ASIC2: variants seen among roughly 807,000 people sequenced by gnomAD.
The protein encoded by ASIC2 is acid sensing ion channel subunit 2.
A neutral mutation model predicts 57.3 loss-of-function variants in ASIC2; 25 were observed. That is an observed-to-expected ratio of 0.44 (90% CI 0.32 to 0.61). The LOEUF (loss-of-function observed/expected upper bound fraction) is 0.61. Ranked by LOEUF, ASIC2 falls within the 20% of genes least tolerant of loss-of-function variation. The pLI, the probability that ASIC2 is intolerant of heterozygous loss-of-function variation, is 0.06. For synonymous variants in ASIC2, 319 were observed against 307.5 expected (o/e 1.04, Z -0.39); for missense variants, 641 against 738.1 (o/e 0.87, Z 1.52).
At chr17:33,779,967 CTT>C (rs759850922) in intron 1 of ASIC2, among the ~76,000 whole-genome samples, 2 of 85,180 alleles carry the variant, frequency 2.3e-5, no homozygotes, top group East Asian at 3.5e-4. Context: ...CTACAGAAGC[CTT>C]TTTTTTTTTT....
chr17:33,454,449 T>C (rs757583284), intron 1 of ASIC2, among the ~76,000 whole-genome samples: 2 of 152,248 alleles, frequency 1.3e-5, no homozygotes, highest in Non-Finnish European at 2.9e-5. Context: ...TAAAACATCA[T>C]GCCCATTGTA....
intron 1 of ASIC2, among the ~76,000 whole-genome samples, chr17:34,066,662 A>G (rs1909183363): frequency 6.6e-6 from 1 of 152,192 alleles, no homozygotes; most frequent in Non-Finnish European, 1.5e-5. Context: ...TGTCCATGAC[A>G]TCTATCATGA....
At chr17:33,377,981 C>T (rs1473984348) in intron 1 of ASIC2, among the ~76,000 whole-genome samples, 2 of 152,204 alleles carry the variant, frequency 1.3e-5, no homozygotes, top group Non-Finnish European at 2.9e-5. Context: ...ATGGGTTGCC[C>T]TGAATAACAG....
intron 1 of ASIC2, among the ~76,000 whole-genome samples, chr17:34,040,437 G>A (rs1908085640): frequency 1.4e-5 from 2 of 147,400 alleles, no homozygotes; most frequent in South Asian, 2.2e-4. Context: ...CCGACAGTGG[G>A]GGAGGAGGGG....
chr17:33,962,991 T>G (rs1393599600), intron 1 of ASIC2, among the ~76,000 whole-genome samples: 2 of 152,176 alleles, frequency 1.3e-5, no homozygotes, highest in Non-Finnish European at 2.9e-5. Flanking sequence ...GTCAGCTATT[T>G]TGTTGTTCAC....
intron 2 of ASIC2, among the ~76,000 whole-genome samples, chr17:33,103,552 AG>A (rs2092223238): frequency 1.3e-5 from 2 of 152,156 alleles, no homozygotes; most frequent in African/African-American, 4.8e-5. Context: ...CAGGGGTAAA[AG>A]GTCCTTAAAG....
At chr17:34,018,476 T>A (rs1907044228) in intron 1 of ASIC2, among the ~76,000 whole-genome samples, 1 of 152,174 alleles carries the variant, frequency 6.6e-6, no homozygotes, top group Non-Finnish European at 1.5e-5. Context: ...GACTTTCAAT[T>A]ATTATTATTT....
intron 1 of ASIC2, among the ~76,000 whole-genome samples, chr17:33,981,643 G>T (rs1031103495): frequency 1.3e-5 from 2 of 151,492 alleles, no homozygotes; most frequent in African/African-American, 4.9e-5. Flanking sequence ...AGGAAGGGAG[G>T]GTGGAAAGGG....
intron 1 of ASIC2, among the ~76,000 whole-genome samples, chr17:33,335,343 T>C (rs973662540): frequency 6.6e-6 from 1 of 152,222 alleles, no homozygotes; most frequent in South Asian, 2.1e-4. Context: ...AAGTGCCTAC[T>C]ATGTGTCAGG....
intron 1 of ASIC2, among the ~76,000 whole-genome samples, chr17:34,120,722 C>CTTTTTTTTTTTTTTTTTTTTTTTTTTT (rs142959293): frequency 3.2e-5 from 3 of 94,628 alleles, no homozygotes; most frequent in African/African-American, 4.1e-5. Flanking sequence ...TGGGGTCCTT[C>CTTTTTTTTTTTTTTTTTTTTTTTTTTT]TTTTTTTTTT....
chr17:33,751,268 T>C (rs1421553498), intron 1 of ASIC2, among the ~76,000 whole-genome samples: 3 of 152,160 alleles, frequency 2.0e-5, no homozygotes, highest in Non-Finnish European at 4.4e-5. Context: ...TGCATACAGA[T>C]CTGCAGCCGC....
intron 1 of ASIC2, among the ~76,000 whole-genome samples, chr17:34,061,337 T>C (rs533996879): frequency 3.5e-4 from 53 of 152,284 alleles, no homozygotes; most frequent in African/African-American, 1.2e-3. Flanking sequence ...CTACAATAAC[T>C]GCTAAAAGGA....
At chr17:33,958,329 T>TG (rs1271430030) in intron 1 of ASIC2, among the ~76,000 whole-genome samples, 3 of 152,178 alleles carry the variant, frequency 2.0e-5, no homozygotes, top group Admixed American at 6.5e-5. Context: ...AAACTTTGTG[T>TG]GGGGGGTCTA....
intron 1 of ASIC2, among the ~76,000 whole-genome samples, chr17:33,537,150 C>A (rs1232337973): frequency 6.6e-6 from 1 of 152,184 alleles, no homozygotes; most frequent in African/African-American, 2.4e-5. Context: ...ATCTGCCCAC[C>A]TTTCTGACTC....
chr17:33,665,724 GTGAAT>G (rs1454941830), intron 1 of ASIC2, among the ~76,000 whole-genome samples: 6 of 152,134 alleles, frequency 3.9e-5, no homozygotes, highest in African/African-American at 1.4e-4. Flanking sequence ...AAGAATTCTG[GTGAAT>G]AAGATTTTCT....
intron 1 of ASIC2, among the ~76,000 whole-genome samples, chr17:33,226,947 C>T (rs1907903573): frequency 6.6e-6 from 1 of 151,806 alleles, no homozygotes; most frequent in South Asian, 2.1e-4. Flanking sequence ...GACATGTAAT[C>T]AATATACAAA....
intron 1 of ASIC2, among the ~76,000 whole-genome samples, chr17:33,771,327 C>G (rs967972592): frequency 2.0e-5 from 3 of 152,146 alleles, no homozygotes; most frequent in Non-Finnish European, 4.4e-5. Flanking sequence ...TGGGTGCAAC[C>G]CTAATCTGAT....
At chr17:33,791,919 C>CA (rs2142137271) in intron 1 of ASIC2, 1 of 152,254 alleles carries the variant, frequency 6.6e-6, no homozygotes, top group African/African-American at 2.4e-5. Context: ...GCGATCCTCC[C>CA]ACCTTAGCCT....
chr17:33,764,410 T>C (rs931368184), intron 1 of ASIC2, among the ~76,000 whole-genome samples: 1 of 152,034 alleles, frequency 6.6e-6, no homozygotes, highest in Non-Finnish European at 1.5e-5. Flanking sequence ...TGTTAGTCTA[T>C]ATTCTCCTGC....
Sources: allele counts gnomAD v4.1 joint callset (sites outside exome capture counted in the v4.1 genomes callset), GRCh38; gene constraint gnomAD v4.1.1; transcripts MANE v1.5; gene names NCBI Gene and HGNC (gene_info 2026-07-23, HGNC 2026-07-21).